Variants in CCSER1 observed in about 807,000 individuals in gnomAD.
The protein encoded by CCSER1 is serine-rich coiled-coil domain-containing protein 1.
In CCSER1, 41 loss-of-function variants were observed where a neutral mutation model predicts 82.0. The ratio of observed to expected loss-of-function variants is 0.50; its 90% CI spans 0.39 to 0.65. CCSER1 has a LOEUF of 0.65. CCSER1 is among the 30% of genes least tolerant of loss of function. The pLI is 0.00. For synonymous variants in CCSER1, 414 were observed against 383.9 expected, an observed-to-expected ratio of 1.08 and a Z score of -0.92; for missense variants, 1,119 against 1,064.2, an observed-to-expected ratio of 1.05 and a Z score of -0.72.
intron 10 of CCSER1, among the ~76,000 whole-genome samples, chr4:91,590,070 A>C (rs1459071942): frequency 6.6e-6 from 1 of 152,034 alleles, no homozygotes. Context: ...TGTCCTTTGA[A>C]GAGAGAGAGG....
chr4:90,515,952 C>T (rs1171265584), intron 5 of CCSER1, among the ~76,000 whole-genome samples: 1 of 152,060 alleles, frequency 6.6e-6, no homozygotes, highest in Non-Finnish European at 1.5e-5. Context: ...TTAGCAGGCA[C>T]CTACAGTGTC....
intron 8 of CCSER1, among the ~76,000 whole-genome samples, chr4:90,841,577 CAAAAAAAAAA>C (rs750390139): frequency 2.0e-5 from 1 of 50,922 alleles, no homozygotes; most frequent in Admixed American, 2.0e-4. Context: ...GACTCTGTCT[CAAAAAAAAAA>C]AAAAAAAAAA....
intron 10 of CCSER1, among the ~76,000 whole-genome samples, chr4:91,172,922 GAA>G (rs541106653): frequency 1.3e-5 from 2 of 151,752 alleles, no homozygotes; most frequent in African/African-American, 4.8e-5. Context: ...TACAAAAGTG[GAA>G]AAAAAAGTTG....
In CCSER1 at chr4:91,508,162, GTT is replaced by G. The variant is rs139066436; in HGVS notation, c.2218-90394_2218-90393del. On this transcript the variant is annotated intron_variant, in intron 10 of 10. Transcript: ENST00000509176. ...GAGATCCTTTTTTTTTTTTTTCTGG[GTT>G]TTTTTTTTTTTTTTTCCTGATCTTG... Among the ~76,000 whole-genome samples the G allele has an allele frequency of 1.4e-4, 14 of 97,644 alleles. 1 individual carries two copies. The South Asian group carries it at 1.5e-3, about 10-fold the overall frequency. The allele number at this position is 97,644 out of a possible 152,430, so 64.1% of individuals were successfully genotyped here.
intron 10 of CCSER1, among the ~76,000 whole-genome samples, chr4:91,570,188 T>TG (rs1020946808): frequency 1.3e-5 from 2 of 152,188 alleles, no homozygotes; most frequent in African/African-American, 4.8e-5. Flanking sequence ...TCTGCCCCTG[T>TG]GGCTTTTCAG....
intron 7 of CCSER1, among the ~76,000 whole-genome samples, chr4:90,779,411 TA>T (rs1025275997): frequency 1.1e-3 from 167 of 149,438 alleles, no homozygotes; most frequent in Middle Eastern, 3.5e-3. Context: ...CATCATACTT[TA>T]AAAAAAAAAA....
chr4:90,427,349 C>T (rs1008708587), intron 4 of CCSER1, among the ~76,000 whole-genome samples: 1 of 151,722 alleles, frequency 6.6e-6, no homozygotes, highest in African/African-American at 2.4e-5. Context: ...AATCATGTTA[C>T]TGATGGTACA....
intron 4 of CCSER1, among the ~76,000 whole-genome samples, chr4:90,455,635 C>G (rs1327627933): frequency 6.6e-6 from 1 of 152,190 alleles, no homozygotes; most frequent in Non-Finnish European, 1.5e-5. Flanking sequence ...ATCCCTAAAT[C>G]CCCGTGATCT....
chr4:91,521,267 T>A (rs1421743431), intron 10 of CCSER1, among the ~76,000 whole-genome samples: 2 of 151,942 alleles, frequency 1.3e-5, no homozygotes, highest in African/African-American at 4.8e-5. Flanking sequence ...GCCACATTAA[T>A]CCAGTCTATC....
intron 7 of CCSER1, among the ~76,000 whole-genome samples, chr4:90,783,556 T>A (rs1311653396): frequency 6.6e-6 from 1 of 152,184 alleles, no homozygotes; most frequent in Non-Finnish European, 1.5e-5. Context: ...GTTCTTACGG[T>A]AAGGAACTAA....
intron 7 of CCSER1, among the ~76,000 whole-genome samples, chr4:90,809,427 A>G (rs1299560634): frequency 6.6e-6 from 1 of 152,128 alleles, no homozygotes; most frequent in Non-Finnish European, 1.5e-5. Context: ...CTTGGAAGTA[A>G]TTCAGGAATG....
chr4:90,902,735 G>A (rs1001563923), intron 8 of CCSER1, among the ~76,000 whole-genome samples: 2 of 151,996 alleles, frequency 1.3e-5, no homozygotes, highest in South Asian at 2.1e-4. Context: ...TTTTAATTTG[G>A]TTGTACAGTT....
intron 10 of CCSER1, among the ~76,000 whole-genome samples, chr4:91,117,837 T>A (rs1338531359): frequency 2.6e-5 from 4 of 152,206 alleles, no homozygotes; most frequent in Non-Finnish European, 4.4e-5. Context: ...CCTATTTTCT[T>A]ATTTTCATTC....
At chr4:90,185,576 A>G (rs1734468369) in intron 1 of CCSER1, among the ~76,000 whole-genome samples, 1 of 152,042 alleles carries the variant, frequency 6.6e-6, no homozygotes, top group African/African-American at 2.4e-5. Context: ...AGTAATAAGG[A>G]GGAAGTGCTG....
chr4:90,164,259 T>G (rs539934859), intron 1 of CCSER1, among the ~76,000 whole-genome samples: 1 of 77,344 alleles, frequency 1.3e-5, no homozygotes, highest in Admixed American at 1.2e-4. Context: ...ATTCTTAAGG[T>G]TTTTTTTTTT....
intron 5 of CCSER1, among the ~76,000 whole-genome samples, chr4:90,604,276 G>A (rs555321721): frequency 6.6e-6 from 1 of 152,128 alleles, no homozygotes; most frequent in Admixed American, 6.5e-5. Context: ...ACATCCTTGA[G>A]CCTCCTATTA....
At chr4:90,663,938 A>C in intron 6 of CCSER1, 1 of 275,894 alleles carries the variant, frequency 3.6e-6, no homozygotes, top group Non-Finnish European at 7.9e-6. Context: ...TTAAGAATGT[A>C]AGTTACCTGT....
At chr4:90,760,553 G>A (rs1434610269) in intron 7 of CCSER1, among the ~76,000 whole-genome samples, 1 of 151,900 alleles carries the variant, frequency 6.6e-6, no homozygotes. Flanking sequence ...TTTTGAATAA[G>A]CTGTTATTAA....
At chr4:91,331,900 CTCTTTGCAATATATGAATACT>C (rs1350529963) in intron 10 of CCSER1, among the ~76,000 whole-genome samples, 1 of 152,140 alleles carries the variant, frequency 6.6e-6, no homozygotes, top group African/African-American at 2.4e-5. Context: ...TCAATAGAGA[CTCTTTGCAATATATGAATACT>C]TCTAAAACAA....
Sources: gnomAD v4.1 joint callset for allele counts (sites outside exome capture counted in the v4.1 genomes callset) on GRCh38, gnomAD v4.1.1 for gene constraint, MANE v1.5 for transcripts, NCBI Gene and HGNC (gene_info 2026-07-23, HGNC 2026-07-21) for gene names.